Variants in CSMD3 observed in about 807,000 individuals in gnomAD.
CSMD3 encodes the protein CUB and sushi domain-containing protein 3.
Under a neutral mutation model 435.2 loss-of-function variants are expected in CSMD3, and 177 were observed. That is an observed-to-expected ratio of 0.41 (90% confidence interval 0.36 to 0.46). The LOEUF (loss-of-function observed/expected upper bound fraction) is 0.46, where lower values mean the gene tolerates loss of function less well. CSMD3 is among the 20% of genes least tolerant of loss of function. CSMD3 has a pLI of 0.34. For synonymous variants in CSMD3, 1,656 were observed against 1,520.5 expected, an observed-to-expected ratio of 1.09 and a Z score of -2.07; for missense variants, 4,265 against 4,504.6, an observed-to-expected ratio of 0.95 and a Z score of 1.52.
At chr8:112,744,037 T>C (rs953158719) in intron 13 of CSMD3, among the ~76,000 whole-genome samples, 4 of 152,056 alleles carry the variant, frequency 2.6e-5, no homozygotes, top group African/African-American at 9.7e-5. Flanking sequence ...ATACTAAATA[T>C]AATTTTTATG....
intron 59 of CSMD3, among the ~76,000 whole-genome samples, chr8:112,273,188 GTTTA>G (rs541909951): frequency 5.3e-5 from 8 of 151,858 alleles, no homozygotes; most frequent in African/African-American, 9.7e-5. Context: ...AAATAGGAAT[GTTTA>G]TTTATTTTTA....
chr8:113,238,851 A>G (rs72670703), intron 3 of CSMD3, among the ~76,000 whole-genome samples: 9,830 of 152,152 alleles, frequency 0.065, 444 homozygotes, highest in Non-Finnish European at 0.094. Context: ...ATCAGCTCCT[A>G]CTGTGATGAT....
At chr8:112,820,269 A>G (rs1234762164) in intron 12 of CSMD3, among the ~76,000 whole-genome samples, 3 of 152,142 alleles carry the variant, frequency 2.0e-5, no homozygotes, top group African/African-American at 7.2e-5. Context: ...ATTAAACCCT[A>G]TGAGAAGTAG....
chr8:112,997,039 T>C (rs1482440067), intron 6 of CSMD3, among the ~76,000 whole-genome samples: 1 of 151,506 alleles, frequency 6.6e-6, no homozygotes, highest in Non-Finnish European at 1.5e-5. Context: ...TTAGTGTCTA[T>C]GAATGCTGTA....
chr8:113,302,668 T>C (rs1425638852), intron 2 of CSMD3, among the ~76,000 whole-genome samples: 1 of 151,950 alleles, frequency 6.6e-6, no homozygotes, highest in East Asian at 1.9e-4. Flanking sequence ...ACCACATGAT[T>C]ATCTCAATAG....
At chr8:113,047,299 G>A (rs891890913) in intron 5 of CSMD3, among the ~76,000 whole-genome samples, 13 of 152,172 alleles carry the variant, frequency 8.5e-5, no homozygotes, top group African/African-American at 2.7e-4. Flanking sequence ...GGGATTTTCT[G>A]TTTTGTTCAC....
At chr8:112,501,620 A>C (rs2130904395) in intron 30 of CSMD3, among the ~76,000 whole-genome samples, 1 of 152,282 alleles carries the variant, frequency 6.6e-6, no homozygotes, top group African/African-American at 2.4e-5. Context: ...TTAGAGAATA[A>C]TTCGGCAATA....
intron 1 of CSMD3, among the ~76,000 whole-genome samples, chr8:113,343,974 G>T (rs1312044842): frequency 1.3e-5 from 2 of 152,006 alleles, no homozygotes; most frequent in East Asian, 3.9e-4. Context: ...CAAAAATACT[G>T]TAAATTTATA....
At chr8:113,214,919 G>A (rs757392298) in intron 3 of CSMD3, among the ~76,000 whole-genome samples, 9 of 151,524 alleles carry the variant, frequency 5.9e-5, no homozygotes, top group Admixed American at 2.0e-4. Flanking sequence ...AAATATTATC[G>A]AATTCTATAT....
chr8:112,328,865 T>C (rs1000210001), intron 45 of CSMD3, among the ~76,000 whole-genome samples: 70 of 152,166 alleles, frequency 4.6e-4, no homozygotes, highest in African/African-American at 1.4e-3. Flanking sequence ...TTCCCAGTCA[T>C]ATGGAACTGT....
chr8:112,606,974 A>G (rs1161983858), intron 22 of CSMD3, among the ~76,000 whole-genome samples: 1 of 31,242 alleles, frequency 3.2e-5, no homozygotes. Context: ...CAAGCTATGA[A>G]AAAAAAAAAA....
At chr8:113,087,392 A>G (rs1043163758) in intron 5 of CSMD3, among the ~76,000 whole-genome samples, 131 of 152,188 alleles carry the variant, frequency 8.6e-4, no homozygotes, top group Admixed American at 2.2e-3. Context: ...AAGAGCCCGC[A>G]TCACCAAGTC....
At chr8:112,773,800 G>A (rs1346508148) in intron 13 of CSMD3, among the ~76,000 whole-genome samples, 2 of 151,908 alleles carry the variant, frequency 1.3e-5, no homozygotes, top group African/African-American at 4.8e-5. Context: ...ATAATAGGTG[G>A]GGTTATAAAT....
chr8:112,288,227 C>T (rs1819406821), intron 57 of CSMD3, among the ~76,000 whole-genome samples: 1 of 118,528 alleles, frequency 8.4e-6, no homozygotes, highest in Non-Finnish European at 1.6e-5. Context: ...TTTTATTACT[C>T]AATTTAGTAG....
intron 5 of CSMD3, among the ~76,000 whole-genome samples, chr8:113,068,412 G>A (rs1224105769): frequency 6.6e-6 from 1 of 152,144 alleles, no homozygotes; most frequent in Non-Finnish European, 1.5e-5. Flanking sequence ...TGATTGGTCA[G>A]ATCCAGAGCC....
chr8:112,254,702 T>C (rs1815619386), intron 62 of CSMD3, among the ~76,000 whole-genome samples: 1 of 152,080 alleles, frequency 6.6e-6, no homozygotes, highest in South Asian at 2.1e-4. Flanking sequence ...AATATTTCTT[T>C]GAAGAAATAA....
intron 5 of CSMD3, among the ~76,000 whole-genome samples, chr8:113,063,391 T>C (rs2088702776): frequency 6.6e-6 from 1 of 151,944 alleles, no homozygotes; most frequent in Admixed American, 6.6e-5. Context: ...ACTGTATTGA[T>C]TTAAAACAGA....
Position 112,228,866 on chromosome 8 carries a change from A to C in CSMD3, c.10854T>G (p.Asn3618Lys). ...RLGLNMSEGS[N>K]SSNQPHGTNS... is the part of the protein sequence containing the mutation. ...TTGTACCATGAGGTTGATTTGAAGAATTTGAACCTTCTGACATATTCAGTC... is the reference window on the plus strand; with the variant it reads ...TTGTACCATGAGGTTGATTTGAAGACTTTGAACCTTCTGACATATTCAGTC... The change falls in exon 70 of 71, where the codon AAT becomes AAG. Residue 3618 changes from asparagine (N) to lysine (K), a missense_variant. This residue lies in a region of CSMD3 where 3,255 missense variants were observed against 3,380.2 expected (regional missense o/e 0.96). Coordinates refer to ENST00000297405, the MANE Select transcript of CSMD3 (RefSeq NM_198123.2). 1 of 1,563,952 alleles carries C rather than the reference A, an allele frequency of 6.4e-7. No homozygotes were observed. The highest frequency in any genetic ancestry group is 8.8e-7 in the Non-Finnish European group (1 of 1,135,858).
At chr8:112,344,469 T>C (rs1001697082) in intron 41 of CSMD3, among the ~76,000 whole-genome samples, 1 of 152,218 alleles carries the variant, frequency 6.6e-6, no homozygotes, top group South Asian at 2.1e-4. Context: ...TGTTAATTTA[T>C]GTAAAACATT....
Sources: allele counts gnomAD v4.1 joint callset (sites outside exome capture counted in the v4.1 genomes callset), GRCh38; gene constraint gnomAD v4.1.1; regional missense constraint gnomAD v4.1.1; transcripts MANE v1.5; gene names NCBI Gene and HGNC (gene_info 2026-07-23, HGNC 2026-07-21).